BIN3: variants seen among roughly 807,000 people sequenced by gnomAD.
The protein encoded by BIN3 is bridging integrator 3.
In BIN3, 41 loss-of-function variants were observed where a neutral mutation model predicts 38.2. That is an observed-to-expected ratio of 1.07 (90% CI 0.84 to 1.39). The LOEUF is 1.39. Ranked by LOEUF, BIN3 falls within the 40% of genes most tolerant of loss-of-function variation. The pLI, the probability that BIN3 is intolerant of heterozygous loss-of-function variation, is 0.00. For synonymous variants in BIN3, 145 were observed against 122.6 expected, an observed-to-expected ratio of 1.18 and a Z score of -1.21; for missense variants, 361 against 324.3, an observed-to-expected ratio of 1.11 and a Z score of -0.87.
intron 4 of BIN3, chr8:22,634,436 G>A (rs572915042): frequency 1.1e-4 from 51 of 455,362 alleles, no homozygotes; most frequent in African/African-American, 7.4e-4. Context: ...TGGTGACGGC[G>A]GCTCCCAGGG....
chr8:22,623,670 G>C (rs568164576), intron 8 of BIN3, among the ~76,000 whole-genome samples: 14 of 152,328 alleles, frequency 9.2e-5, no homozygotes, highest in African/African-American at 3.1e-4. Flanking sequence ...TGGACCAAAA[G>C]GGAACCTCGG....
At chr8:22,661,933 G>C (rs1042387037) in intron 1 of BIN3, among the ~76,000 whole-genome samples, 3 of 71,784 alleles carry the variant, frequency 4.2e-5, no homozygotes, top group African/African-American at 1.1e-4. Context: ...GGGGATTACA[G>C]GTATGCACCA....
intron 1 of BIN3, among the ~76,000 whole-genome samples, chr8:22,657,408 G>A (rs193117972): frequency 1.8e-3 from 280 of 152,290 alleles, no homozygotes; most frequent in Non-Finnish European, 3.1e-3. Flanking sequence ...ACCCACCAGC[G>A]CTGGGGTCCA....
rs375256269 is a variant in BIN3 at position 22,624,376 on chromosome 8, C to T, written c.339-13G>A. On this transcript the variant is annotated splice_polypyrimidine_tract_variant and intron_variant, in intron 6 of 8. Transcript: ENST00000276416. The stretch of plus-strand genomic sequence containing the variant: ...GACACTGCCGAACCTGTGGGACAAG[C>T]TGGCTGGAGATGGGCCCGTTCTTGA... The T allele has an allele frequency of 1.9e-6, 3 of 1,609,782 alleles. No individual in the cohort carries two copies. Among genetic ancestry groups the T allele is most frequent in the South Asian group, 1.1e-5 (1 of 90,546 alleles).
chr8:22,621,660 C>T, intron 8 of BIN3, 92 bp from the exon 9 acceptor site: 3 of 1,322,624 alleles, frequency 2.3e-6, no homozygotes, highest in Non-Finnish European at 3.2e-6. Context: ...CTACCCCCTG[C>T]CCTTACCCAT....
In BIN3 at chr8:22,621,238, G is replaced by C; in HGVS notation, c.*184C>G. On this transcript the variant is annotated 3_prime_UTR_variant, in exon 9 of 9. Coordinates refer to ENST00000276416, the MANE Select transcript of BIN3 (RefSeq NM_018688.6). ...GCTTACCTGCTGGGGCTGTGAGTGG[G>C]GAGACGGCGGCCTGCCTAGGGCTCC... is the stretch of plus-strand genomic sequence containing the variant. The C allele has an allele frequency of 1.4e-6, 1 of 727,110 alleles. No individual in the cohort carries two copies. The allele number at this position is 727,110 out of a possible 1,614,324, so 45.0% of individuals were successfully genotyped here.
intron 4 of BIN3, among the ~76,000 whole-genome samples, chr8:22,634,956 G>A (rs188928430): frequency 6.6e-6 from 1 of 152,294 alleles, no homozygotes; most frequent in East Asian, 1.9e-4. Context: ...GGTCAGAAAA[G>A]CTCAGGGAGG....
chr8:22,656,998 T>C (rs1803076910), intron 1 of BIN3, among the ~76,000 whole-genome samples: 1 of 152,234 alleles, frequency 6.6e-6, no homozygotes, highest in African/African-American at 2.4e-5. Flanking sequence ...TGGCAACCCC[T>C]GTTAAGTACT....
intron 8 of BIN3, among the ~76,000 whole-genome samples, 182 bp from the exon 9 acceptor site, chr8:22,621,750 G>A (rs748394807): frequency 2.6e-5 from 4 of 152,172 alleles, no homozygotes; most frequent in Non-Finnish European, 4.4e-5. Flanking sequence ...AAAAGGAGCC[G>A]GGGAGCAACA....
chr8:22,624,911 G>A, intron 6 of BIN3: 1 of 230,610 alleles, frequency 4.3e-6, no homozygotes, highest in East Asian at 9.3e-5. Flanking sequence ...TCTCTGTCTG[G>A]CACCCTTTCC....
At chr8:22,666,535 C>T (rs1365637532) in intron 1 of BIN3, among the ~76,000 whole-genome samples, 1 of 151,990 alleles carries the variant, frequency 6.6e-6, no homozygotes, top group Non-Finnish European at 1.5e-5. Context: ...ACCACCGGGT[C>T]ACTTTTCTGA....
At chr8:22,650,053 A>G (rs1467850973) in intron 1 of BIN3, among the ~76,000 whole-genome samples, 1 of 152,206 alleles carries the variant, frequency 6.6e-6, no homozygotes, top group African/African-American at 2.4e-5. Context: ...TGGTTCAGGT[A>G]TATAATGGAA....
intron 4 of BIN3, among the ~76,000 whole-genome samples, chr8:22,631,973 T>C (rs1352246636): frequency 6.6e-6 from 1 of 152,228 alleles, no homozygotes; most frequent in Non-Finnish European, 1.5e-5. Flanking sequence ...ATGCCGTCTG[T>C]ACCAGTGTCA....
Position 22,620,735 on chromosome 8 carries a change from T to C in BIN3, c.*687A>G, listed in dbSNP as rs1801760164. 3 of 152,386 alleles carry C rather than the reference T, an allele frequency of 2.0e-5. No individual in the cohort carries two copies. The highest frequency in any genetic ancestry group is 1.3e-4 in the Admixed American group (2 of 15,306). 9.4% of individuals were successfully genotyped at this position (152,386 alleles called of 1,614,324 possible). ...GTGGACGTTTCATTGAAAATTTTAC[T>C]TGAAAAAATAAAATTCCAGATACTC... On this transcript the variant is annotated 3_prime_UTR_variant, in exon 9 of 9. Coordinates refer to ENST00000276416, the MANE Select transcript of BIN3 (RefSeq NM_018688.6).
intron 1 of BIN3, among the ~76,000 whole-genome samples, chr8:22,655,062 G>A (rs971769916): frequency 4.6e-5 from 7 of 152,134 alleles, no homozygotes; most frequent in South Asian, 2.1e-4. Flanking sequence ...GACTAATGAC[G>A]TTAAGCGTCT....
chr8:22,660,840 G>A (rs1164760396), intron 1 of BIN3, among the ~76,000 whole-genome samples: 1 of 152,118 alleles, frequency 6.6e-6, no homozygotes, highest in Non-Finnish European at 1.5e-5. Context: ...ATGCTGTTCA[G>A]GCTCCCTGAG....
At chr8:22,648,668 A>C (rs1802786850) in intron 1 of BIN3, among the ~76,000 whole-genome samples, 1 of 151,616 alleles carries the variant, frequency 6.6e-6, no homozygotes, top group Non-Finnish European at 1.5e-5. Context: ...CTGTGAAGTT[A>C]CTCTCCCTTC....
At position 22,621,688 on chromosome 8, in the gene BIN3, C is replaced by T. The variant is rs1028087286; in HGVS notation, c.616-120G>A. 61 of 1,113,112 alleles carry T rather than the reference C, an allele frequency of 5.5e-5. No individual in the cohort carries two copies. The African/African-American group carries it at 6.3e-4, about 12-fold the overall frequency. 69.0% of individuals were successfully genotyped at this position (1,113,112 alleles called of 1,614,324 possible). Reference sequence around the variant, plus strand: ...TTACCCATCTGGAGCTGTGCAGCAGCGTGCCTTTGGGGATATGCAGGGCAC... The same window carrying T: ...TTACCCATCTGGAGCTGTGCAGCAGTGTGCCTTTGGGGATATGCAGGGCAC... On this transcript the variant is annotated intron_variant, in intron 8 of 8. Transcript: ENST00000276416.
rs775352711 is a variant in BIN3, at chr8:22,623,999, C to T, written c.531G>A (p.Arg177=). ...PVREDFEAKN[R]QLLEEMPRFY... ...AGCGCGGCATCTCCTCCAGCAGCTG[C>T]CTGTTCTTGGCTTCAAAGTCCTCCC... The change falls in exon 8 of 9, where the codon AGG becomes AGA. Residue 177 remains arginine (R), a synonymous_variant. Coordinates refer to ENST00000276416, the MANE Select transcript of BIN3 (RefSeq NM_018688.6). The T allele has an allele frequency of 4.3e-6, 7 of 1,612,950 alleles. No homozygotes were observed. Among genetic ancestry groups the T allele is most frequent in the Non-Finnish European group, 5.9e-6 (7 of 1,179,802 alleles).
Sources: allele counts gnomAD v4.1 joint callset (sites outside exome capture counted in the v4.1 genomes callset), GRCh38; gene constraint gnomAD v4.1.1; transcripts MANE v1.5; gene names NCBI Gene and HGNC (gene_info 2026-07-23, HGNC 2026-07-21).